The following ZFP1 variants were observed in gnomAD, a reference collection of about 807,000 sequenced individuals.
The protein encoded by ZFP1 is zinc finger protein 1 homolog.
Under a neutral mutation model 38.5 loss-of-function variants are expected in ZFP1, and 32 were observed. The ratio of observed to expected loss-of-function variants is 0.83; its 90% CI spans 0.63 to 1.12. The LOEUF is 1.12. Ranked by LOEUF, ZFP1 falls within the 50% of genes most tolerant of loss-of-function variation. The probability of loss-of-function intolerance (pLI) is 0.00; values close to 1 mark genes in which losing one functional copy is unlikely to be tolerated. For missense variants in ZFP1, 616 were observed against 480.8 expected (o/e 1.28, Z -2.63); for synonymous variants, 245 against 168.8 (o/e 1.45, Z -3.50).
chr16:75,125,985 G>A, the ZFP1 span, among the ~76,000 whole-genome samples: 1 of 147,450 alleles, frequency 6.8e-6, no homozygotes, highest in Non-Finnish European at 1.5e-5. Context: ...AGAGGTTGCA[G>A]TGAGCAGTGA....
rs1225483116 is a variant in ZFP1 at position 75,161,776 on chromosome 16, T to TATATATATA, written c.16-4994_16-4993insATATATATA. ...TTATGAAATATATATATATATATAT[T>TATATATATA]TTTTTTTTTTTTTTTTTTTTTTTTC... On this transcript the variant is annotated intron_variant, in intron 2 of 3. Transcript: ENST00000570010. Among the ~76,000 whole-genome samples the TATATATATA allele has an allele frequency of 2.2e-3, 10 of 4,468 alleles. 1 individual carries two copies. Among genetic ancestry groups the TATATATATA allele is most frequent in the South Asian group, 0.016 (3 of 186 alleles). The allele number at this position is 4,468 out of a possible 152,430, so 2.9% of individuals were successfully genotyped here. A position where few individuals can be genotyped will look rare whatever the true frequency, so the allele number is the denominator to read the frequency against.
the ZFP1 span, among the ~76,000 whole-genome samples, chr16:75,132,189 A>G: frequency 1.1e-4 from 16 of 152,098 alleles, no homozygotes; most frequent in African/African-American, 3.6e-4. Context: ...GAAGTTTGAG[A>G]CCAGCCTGGG....
In ZFP1 at chr16:75,169,834, T is replaced by C; in HGVS notation, c.724T>C (p.Cys242Arg). Residue 242 changes from cysteine to arginine, a missense_variant, in exon 4 of 4, where the codon TGT becomes CGT. Cys to Arg is a radical substitution (Grantham distance 180, BLOSUM62 -3). Transcript: ENST00000570010. Reference protein sequence around the residue: ...RIHTGEKPFECPECGKAFTHQ... With the variant: ...RIHTGEKPFERPECGKAFTHQ... The stretch of plus-strand genomic sequence containing the variant: ...TCACACTGGGGAGAAACCTTTCGAG[T>C]GTCCGGAATGTGGAAAAGCTTTCAC... 1.2e-6 allele frequency: 2 copies of C among 1,614,080 alleles called. No individual in the cohort carries two copies. The highest frequency in any genetic ancestry group is 1.7e-6 in the Non-Finnish European group (2 of 1,180,010).
the ZFP1 span, among the ~76,000 whole-genome samples, chr16:75,130,495 A>G: frequency 6.6e-6 from 1 of 152,090 alleles, no homozygotes; most frequent in Non-Finnish European, 1.5e-5. Flanking sequence ...TGTTCCTAGA[A>G]GGTCATATAT....
At chr16:75,165,775 C>G (rs2038043447) in intron 2 of ZFP1, among the ~76,000 whole-genome samples, 1 of 151,612 alleles carries the variant, frequency 6.6e-6, no homozygotes, top group Admixed American at 6.6e-5. Context: ...AAACTATAGC[C>G]TGGTGTGGGG....
rs971222297 is a variant in ZFP1, at chr16:75,169,990, C to T, written c.880C>T (p.Arg294Ter). The T allele has an allele frequency of 9.9e-6, 16 of 1,613,820 alleles. No individual in the cohort carries two copies. Among genetic ancestry groups the T allele is most frequent in the African/African-American group, 2.7e-5 (2 of 74,864 alleles). Reference protein sequence around the residue: ...TTHQRIHTGERPYECNECAKT... With the variant: ...TTHQRIHTGE ...ACACCAGAGAATTCATACAGGAGAGCGACCCTATGAGTGTAACGAATGTGC... is the reference window on the plus strand; with the variant it reads ...ACACCAGAGAATTCATACAGGAGAGTGACCCTATGAGTGTAACGAATGTGC... Residue 294 changes from arginine (R) to a stop codon, truncating the protein, a stop_gained, in exon 4 of 4, where the codon CGA becomes TGA. Coordinates refer to ENST00000570010, the MANE Select transcript of ZFP1 (RefSeq NM_153688.4). LOFTEE classifies it high-confidence loss of function.
chr16:75,170,462 T>G lies in ZFP1; in HGVS notation c.*128T>G. The G allele has an allele frequency of 7.6e-7, 1 of 1,318,906 alleles. No homozygotes were observed. The highest frequency in any genetic ancestry group is 9.9e-7 in the Non-Finnish European group (1 of 1,009,458). The allele number at this position is 1,318,906 out of a possible 1,614,324, so 81.7% of individuals were successfully genotyped here. ...TGCAATCTCTCAACTCAAAAATGTA[T>G]TAAAAATAGGATCCCATGAGAACAT... is the stretch of plus-strand genomic sequence containing the variant. On this transcript the variant is annotated 3_prime_UTR_variant, in exon 4 of 4. Coordinates refer to ENST00000570010, the MANE Select transcript of ZFP1 (RefSeq NM_153688.4).
chr16:75,123,429 A>G, the ZFP1 span, among the ~76,000 whole-genome samples: 98 of 31,678 alleles, frequency 3.1e-3, no homozygotes, highest in Non-Finnish European at 5.0e-3. Flanking sequence ...ATATATAAGA[A>G]TGTGTGTGTG....
At chr16:75,152,881 C>G in intron 1 of ZFP1, 28 bp from the exon 2 acceptor site, 1 of 1,602,092 alleles carries the variant, frequency 6.2e-7, no homozygotes, top group Admixed American at 1.7e-5. Context: ...CCTTTAATAA[C>G]AATGCCTTCC....
At chr16:75,167,862 T>C (rs2038183115) in intron 3 of ZFP1, among the ~76,000 whole-genome samples, 1 of 152,142 alleles carries the variant, frequency 6.6e-6, no homozygotes, top group Non-Finnish European at 1.5e-5. Context: ...TTTGGGAGGC[T>C]GAGGCGGGCA....
At chr16:75,152,695 C>G (rs1456916431) in intron 1 of ZFP1, among the ~76,000 whole-genome samples, 1 of 152,160 alleles carries the variant, frequency 6.6e-6, no homozygotes, top group African/African-American at 2.4e-5. Context: ...AGTGGATTAT[C>G]TTAGTCTTGC....
At chr16:75,149,335 T>G (rs933428618) in intron 1 of ZFP1, 1 of 152,086 alleles carries the variant, frequency 6.6e-6, no homozygotes, top group Non-Finnish European at 1.5e-5. Context: ...CATGTATACG[T>G]TTTGACGTTT....
At chr16:75,121,253 A>G in the ZFP1 span, among the ~76,000 whole-genome samples, 1 of 151,106 alleles carries the variant, frequency 6.6e-6, no homozygotes, top group African/African-American at 2.4e-5. Context: ...GAGTACAGAC[A>G]TAACTGGGAC....
At chr16:75,156,474 G>C (rs1403176850) in intron 2 of ZFP1, among the ~76,000 whole-genome samples, 1 of 151,748 alleles carries the variant, frequency 6.6e-6, no homozygotes, top group Non-Finnish European at 1.5e-5. Context: ...GAAAAGAAAA[G>C]AAAAGAAATT....
At chr16:75,163,160 G>A (rs2037873587) in intron 2 of ZFP1, among the ~76,000 whole-genome samples, 1 of 151,902 alleles carries the variant, frequency 6.6e-6, no homozygotes, top group African/African-American at 2.4e-5. Context: ...ACCTGCCTCG[G>A]CCTCCCAAAG....
chr16:75,119,278 G>C, the ZFP1 span, among the ~76,000 whole-genome samples: 1 of 152,216 alleles, frequency 6.6e-6, no homozygotes, highest in South Asian at 2.1e-4. Flanking sequence ...ACCAGCTTGA[G>C]CTATCTTTAT....
chr16:75,136,059 A>G, the ZFP1 span, among the ~76,000 whole-genome samples: 5 of 152,106 alleles, frequency 3.3e-5, no homozygotes, highest in East Asian at 7.7e-4. Context: ...CAAGTTATCC[A>G]CCCACCTCTG....
chr16:75,131,015 C>T, the ZFP1 span, among the ~76,000 whole-genome samples: 151 of 152,224 alleles, frequency 9.9e-4, no homozygotes, highest in African/African-American at 3.5e-3. Flanking sequence ...TTCCTATATC[C>T]CGCTTCCTCC....
At chr16:75,158,251 C>T in intron 2 of ZFP1, among the ~76,000 whole-genome samples, 1 of 151,658 alleles carries the variant, frequency 6.6e-6, no homozygotes, top group East Asian at 1.9e-4. Context: ...ACAGGGTCTT[C>T]CTCTGTTGCC....
Sources: allele counts gnomAD v4.1 joint callset (sites outside exome capture counted in the v4.1 genomes callset), GRCh38; gene constraint gnomAD v4.1.1; transcripts MANE v1.5; gene names NCBI Gene and HGNC (gene_info 2026-07-23, HGNC 2026-07-21).